The following CSMD1 variants were observed in gnomAD, a reference collection of about 807,000 sequenced individuals.
The protein encoded by CSMD1 is CUB and sushi domain-containing protein 1.
Under a neutral mutation model 417.5 loss-of-function variants are expected in CSMD1, and 213 were observed. The observed-to-expected ratio is 0.51, with a 90% CI of 0.46 to 0.57. The LOEUF (loss-of-function observed/expected upper bound fraction) is 0.57. Ranked by LOEUF, CSMD1 falls within the 20% of genes least tolerant of loss-of-function variation. The pLI, the probability that CSMD1 is intolerant of heterozygous loss-of-function variation, is 0.00. For synonymous variants in CSMD1, 2,862 were observed against 1,736.8 expected (o/e 1.65, Z -16.11); for missense variants, 6,923 against 4,529.7 (o/e 1.53, Z -15.17).
intron 3 of CSMD1, among the ~76,000 whole-genome samples, chr8:4,272,417 T>A (rs1804661176): frequency 6.6e-6 from 1 of 152,196 alleles, no homozygotes; most frequent in Non-Finnish European, 1.5e-5. Flanking sequence ...GAGGATTACA[T>A]ATATCATACT....
intron 47 of CSMD1, among the ~76,000 whole-genome samples, chr8:3,093,053 T>A (rs1450245701): frequency 6.6e-6 from 1 of 152,170 alleles, no homozygotes; most frequent in African/African-American, 2.4e-5. Flanking sequence ...TTTTTTCAAG[T>A]AAGACTGTTA....
intron 9 of CSMD1, among the ~76,000 whole-genome samples, chr8:3,583,305 G>A (rs914520193): frequency 6.6e-6 from 1 of 151,916 alleles, no homozygotes; most frequent in Non-Finnish European, 1.5e-5. Context: ...TGTGGGCACA[G>A]CTTTGGAACC....
intron 52 of CSMD1, among the ~76,000 whole-genome samples, chr8:3,010,654 C>G (rs889538002): frequency 3.3e-5 from 5 of 152,116 alleles, no homozygotes; most frequent in African/African-American, 9.7e-5. Context: ...CCCACATCTA[C>G]TCTTCTGTCA....
At chr8:3,072,083 T>G (rs2128998842) in intron 49 of CSMD1, among the ~76,000 whole-genome samples, 1 of 152,266 alleles carries the variant, frequency 6.6e-6, no homozygotes, top group South Asian at 2.1e-4. Context: ...TAGAAGAAAA[T>G]CAATAGTACC....
intron 12 of CSMD1, among the ~76,000 whole-genome samples, chr8:3,434,048 C>T (rs1273953732): frequency 6.6e-6 from 1 of 152,250 alleles, no homozygotes; most frequent in Admixed American, 6.5e-5. Context: ...CGCATCATTC[C>T]TGGCATTCTT....
At chr8:4,581,923 G>A (rs777236440) in intron 2 of CSMD1, among the ~76,000 whole-genome samples, 1 of 152,096 alleles carries the variant, frequency 6.6e-6, no homozygotes, top group African/African-American at 2.4e-5. Flanking sequence ...GAGTCTCACA[G>A]TACAGTCAGG....
At chr8:3,835,411 C>T (rs530853976) in intron 5 of CSMD1, among the ~76,000 whole-genome samples, 2 of 151,940 alleles carry the variant, frequency 1.3e-5, no homozygotes, top group African/African-American at 2.4e-5. Context: ...AGTTCATGTC[C>T]TTTGTAGGGA....
At chr8:3,883,308 CATAAT>C (rs1201645203) in intron 5 of CSMD1, among the ~76,000 whole-genome samples, 2 of 152,024 alleles carry the variant, frequency 1.3e-5, no homozygotes, top group East Asian at 1.9e-4. Flanking sequence ...AACTGAACGA[CATAAT>C]ATAATACACA....
intron 26 of CSMD1, among the ~76,000 whole-genome samples, chr8:3,253,694 T>A (rs564290397): frequency 3.2e-4 from 49 of 152,222 alleles, no homozygotes; most frequent in African/African-American, 1.2e-3. Flanking sequence ...AAGGACTTGC[T>A]TTATGAATCT....
intron 1 of CSMD1, among the ~76,000 whole-genome samples, chr8:4,810,566 T>TG (rs370359430): frequency 1.2e-4 from 18 of 152,104 alleles, no homozygotes; most frequent in African/African-American, 4.1e-4. Context: ...TGTGTGTATG[T>TG]GGGGGGTGGT....
At chr8:4,552,174 T>C (rs1334630902) in intron 2 of CSMD1, among the ~76,000 whole-genome samples, 1 of 152,214 alleles carries the variant, frequency 6.6e-6, no homozygotes, top group Non-Finnish European at 1.5e-5. Context: ...ATTTGTTTTT[T>C]AATCTTAAGA....
chr8:3,284,704 T>G (rs1229343620), intron 25 of CSMD1: 1 of 238,590 alleles, frequency 4.2e-6, no homozygotes, highest in African/African-American at 2.2e-5. Flanking sequence ...TTGACAGATG[T>G]GTTTGAAGCA....
chr8:3,985,109 A>G (rs1814220377), intron 5 of CSMD1, among the ~76,000 whole-genome samples: 1 of 152,034 alleles, frequency 6.6e-6, no homozygotes. Flanking sequence ...ACTTGTCATG[A>G]AGAATTACAC....
chr8:3,656,054 T>C (rs1798086516), intron 7 of CSMD1, among the ~76,000 whole-genome samples: 1 of 152,118 alleles, frequency 6.6e-6, no homozygotes, highest in African/African-American at 2.4e-5. Context: ...TAACATGAGA[T>C]ATATTTCAAA....
chr8:4,713,272 G>C (rs779317286), intron 1 of CSMD1, among the ~76,000 whole-genome samples: 1 of 152,252 alleles, frequency 6.6e-6, no homozygotes, highest in Non-Finnish European at 1.5e-5. Flanking sequence ...GAGCAGGAGA[G>C]TGTAGTTTAA....
intron 50 of CSMD1, among the ~76,000 whole-genome samples, chr8:3,049,256 T>A: frequency 6.6e-6 from 1 of 152,264 alleles, no homozygotes; most frequent in East Asian, 1.9e-4. Flanking sequence ...TGTTAAAAAC[T>A]TATGTCTGTA....
At chr8:4,181,989 T>G (rs1464757384) in intron 3 of CSMD1, among the ~76,000 whole-genome samples, 1 of 150,552 alleles carries the variant, frequency 6.6e-6, no homozygotes, top group Admixed American at 6.6e-5. Context: ...GTGTGTAATG[T>G]TTACATTTTT....
chr8:3,906,526 TAA>T (rs1808122572), intron 5 of CSMD1, among the ~76,000 whole-genome samples: 1 of 63,578 alleles, frequency 1.6e-5, no homozygotes, highest in Non-Finnish European at 2.9e-5. Flanking sequence ...GTGCTCACTG[TAA>T]AGAGTGAAGA....
intron 2 of CSMD1, among the ~76,000 whole-genome samples, chr8:4,614,435 C>G (rs1468840724): frequency 6.6e-6 from 1 of 152,160 alleles, no homozygotes; most frequent in African/African-American, 2.4e-5. Context: ...AAATAAGCCT[C>G]TAACCTTTGC....
Sources: allele counts gnomAD v4.1 joint callset (sites outside exome capture counted in the v4.1 genomes callset), GRCh38; gene constraint gnomAD v4.1.1; transcripts MANE v1.5; gene names NCBI Gene and HGNC (gene_info 2026-07-23, HGNC 2026-07-21).